The following STX3 variants were observed in gnomAD, a reference collection of about 807,000 sequenced individuals.
STX3 encodes syntaxin-3.
Under a neutral mutation model 40.2 loss-of-function variants are expected in STX3, and 19 were observed. That is an observed-to-expected ratio of 0.47 (90% CI 0.33 to 0.69). The LOEUF (loss-of-function observed/expected upper bound fraction) is 0.69. Among genes scored for constraint, STX3 ranks in the 30% least tolerant of loss-of-function variants. The pLI is 0.02. For synonymous variants in STX3, 122 were observed against 132.2 expected, an observed-to-expected ratio of 0.92 and a Z score of 0.53; for missense variants, 364 against 366.7, an observed-to-expected ratio of 0.99 and a Z score of 0.06.
intron 8 of STX3, among the ~76,000 whole-genome samples, chr11:59,793,746 G>A (rs1029999731): frequency 3.9e-5 from 6 of 151,934 alleles, no homozygotes; most frequent in African/African-American, 1.5e-4. Flanking sequence ...CCTTGCAGTC[G>A]TTGCTAGTTG....
chr11:59,773,014 A>G (rs371698693), intron 1 of STX3, among the ~76,000 whole-genome samples, 197 bp from the exon 2 acceptor site: 1 of 122,324 alleles, frequency 8.2e-6, no homozygotes, highest in African/African-American at 3.1e-5. Context: ...CACACACACA[A>G]CCCAGCAATT....
intron 2 of STX3, among the ~76,000 whole-genome samples, chr11:59,774,848 AC>A (rs113043068): frequency 0.1 from 15,787 of 152,166 alleles, 1,141 homozygotes; most frequent in African/African-American, 0.2. Flanking sequence ...AACAACAACA[AC>A]AAAAACCAAG....
At chr11:59,796,984 G>A (rs1347814466) in intron 9 of STX3, among the ~76,000 whole-genome samples, 1 of 152,168 alleles carries the variant, frequency 6.6e-6, no homozygotes, top group East Asian at 1.9e-4. Flanking sequence ...GGTGGTGCAT[G>A]CCTGTAGTCC....
intron 10 of STX3, chr11:59,800,369 A>G: frequency 1.0e-6 from 1 of 985,292 alleles, no homozygotes; most frequent in Non-Finnish European, 1.2e-6. Flanking sequence ...AAGTTAAGGA[A>G]CTTGCCCAAG....
intron 1 of STX3, among the ~76,000 whole-genome samples, chr11:59,768,510 A>G (rs61548613): frequency 0.11 from 17,078 of 152,168 alleles, 1,202 homozygotes; most frequent in South Asian, 0.2. Context: ...TAATATGACT[A>G]TTGATGGTGG....
intron 1 of STX3, among the ~76,000 whole-genome samples, chr11:59,759,225 C>G (rs993642853): frequency 1.3e-5 from 2 of 152,204 alleles, no homozygotes; most frequent in African/African-American, 4.8e-5. Context: ...CTATTATTCT[C>G]ATTCTGCAAG....
At chr11:59,788,845 C>T (rs754378355) in intron 3 of STX3, 28 bp from the exon 4 acceptor site, 19 of 1,599,318 alleles carry the variant, frequency 1.2e-5, no homozygotes, top group Middle Eastern at 1.7e-4. Flanking sequence ...TCCTTTCTAA[C>T]GGATTCTGCC....
rs748807430 is a variant in STX3, at chr11:59,755,584, C to T, written c.-22C>T. 7 of 1,593,170 alleles carry T rather than the reference C, an allele frequency of 4.4e-6. No individual in the cohort carries two copies. Among genetic ancestry groups the T allele is most frequent in the African/African-American group, 2.7e-5 (2 of 74,060 alleles). ...CGCTCACCTGGGACGCGCTACCTGC[C>T]TCCGGGCGCCTGGGCTTCAGGATGA... On this transcript the variant is annotated 5_prime_UTR_variant, in exon 1 of 11. Coordinates refer to ENST00000337979, the MANE Select transcript of STX3 (RefSeq NM_004177.5).
intron 8 of STX3, among the ~76,000 whole-genome samples, chr11:59,794,473 T>C (rs1865401301): frequency 6.6e-6 from 1 of 152,186 alleles, no homozygotes; most frequent in Admixed American, 6.5e-5. Context: ...GTTTTTGACA[T>C]TGGTTCCCTG....
chr11:59,763,860 A>G (rs974015692), intron 1 of STX3, among the ~76,000 whole-genome samples: 6 of 152,162 alleles, frequency 3.9e-5, no homozygotes, highest in African/African-American at 1.4e-4. Context: ...CTCTACTAAA[A>G]ATACAAAATT....
At chr11:59,794,443 G>A (rs1865399296) in intron 8 of STX3, among the ~76,000 whole-genome samples, 1 of 152,180 alleles carries the variant, frequency 6.6e-6, no homozygotes. Flanking sequence ...CCTAGTTGAA[G>A]CTCGAGCACA....
intron 1 of STX3, 25 bp from the exon 2 acceptor site, chr11:59,773,186 C>A (rs753582004): frequency 6.2e-7 from 1 of 1,612,324 alleles, no homozygotes; most frequent in East Asian, 2.2e-5. Flanking sequence ...TTTAGCCTCA[C>A]TCTGCTCTTT....
intron 2 of STX3, among the ~76,000 whole-genome samples, chr11:59,775,684 CA>C (rs1457070576): frequency 2.0e-5 from 3 of 152,138 alleles, no homozygotes; most frequent in Non-Finnish European, 2.9e-5. Flanking sequence ...TCAAGGATGC[CA>C]TGAGGATCAT....
intron 8 of STX3, among the ~76,000 whole-genome samples, chr11:59,794,810 A>G (rs1471461704): frequency 2.6e-5 from 4 of 152,212 alleles, no homozygotes; most frequent in African/African-American, 9.7e-5. Context: ...GCTTGGGTAA[A>G]CCCAATGTCT....
intron 2 of STX3, among the ~76,000 whole-genome samples, chr11:59,774,315 A>C (rs1407738662): frequency 6.6e-6 from 1 of 152,022 alleles, no homozygotes; most frequent in Non-Finnish European, 1.5e-5. Flanking sequence ...CCTTACCTGT[A>C]AATTAGGATT....
At position 59,805,730 on chromosome 11, in the gene STX3, C is replaced by A. The variant is rs1000207020; in HGVS notation, c.*4906C>A. 6.6e-6 allele frequency: 1 copy of A among 152,574 alleles called. No homozygotes were observed. The highest frequency in any genetic ancestry group is 1.5e-5 in the Non-Finnish European group (1 of 68,338). 9.5% of individuals were successfully genotyped at this position (152,574 alleles called of 1,614,324 possible). ...ACTCTCCCTCTTGGAGAATTTCAGA[C>A]CCAGAAAAGGCCACGCAGTTCTAAC... On this transcript the variant is annotated 3_prime_UTR_variant, in exon 11 of 11. Transcript: ENST00000337979.
chr11:59,803,255 C>G lies in STX3; in HGVS notation c.*2431C>G, dbSNP rs71488421. The G allele has an allele frequency of 8.1e-7, 1 of 1,231,614 alleles. No individual in the cohort carries two copies. The highest frequency in any genetic ancestry group is 3.2e-5 in the East Asian group (1 of 31,706). 76.3% of individuals were successfully genotyped at this position (1,231,614 alleles called of 1,614,324 possible). A position where few individuals can be genotyped will look rare whatever the true frequency, so the allele number is the denominator to read the frequency against. ...ATCATGATCTGCTGTATTATCCTTG[C>G]GATCATCTTAGCTTCCACCATTGGG... is the stretch of plus-strand genomic sequence containing the variant. On this transcript the variant is annotated 3_prime_UTR_variant, in exon 11 of 11. Coordinates refer to ENST00000337979, the MANE Select transcript of STX3 (RefSeq NM_004177.5).
Position 59,803,570 on chromosome 11 carries a change from C to G in STX3, c.*2746C>G, listed in dbSNP as rs1305865493. 6.6e-6 allele frequency among the ~76,000 whole-genome samples: 1 copy of G among 152,118 alleles called. No individual in the cohort carries two copies. Among genetic ancestry groups the G allele is most frequent in the African/African-American group, 2.4e-5 (1 of 41,414 alleles). On this transcript the variant is annotated 3_prime_UTR_variant, in exon 11 of 11. Coordinates refer to ENST00000337979, the MANE Select transcript of STX3 (RefSeq NM_004177.5). ...TTTGTACAGGTGAAGGATAGTGATT[C>G]CTGCTAAACAGTTTGAGCCTTGGTA...
intron 2 of STX3, among the ~76,000 whole-genome samples, chr11:59,775,440 C>T (rs1863911804): frequency 6.6e-6 from 1 of 152,210 alleles, no homozygotes; most frequent in African/African-American, 2.4e-5. Flanking sequence ...AACTTCTTCC[C>T]TAAGATAAGG....
Sources: gnomAD v4.1 joint callset for allele counts (sites outside exome capture counted in the v4.1 genomes callset) on GRCh38, gnomAD v4.1.1 for gene constraint, MANE v1.5 for transcripts, NCBI Gene and HGNC (gene_info 2026-07-23, HGNC 2026-07-21) for gene names.